TEX14: variants seen among roughly 807,000 people sequenced by gnomAD.
The protein encoded by TEX14 is testis expressed 14, intercellular bridge forming factor.
A neutral mutation model predicts 178.6 loss-of-function variants in TEX14; 168 were observed. That is an observed-to-expected ratio of 0.94 (90% CI 0.83 to 1.07). The LOEUF (loss-of-function observed/expected upper bound fraction) is 1.07, where lower values mean the gene tolerates loss of function less well. Ranked by LOEUF, TEX14 falls within the 50% of genes least tolerant of loss-of-function variation. The probability of loss-of-function intolerance (pLI) is 0.00; values close to 1 mark genes in which losing one functional copy is unlikely to be tolerated. For missense variants in TEX14, 1,730 were observed against 1,753.6 expected, an observed-to-expected ratio of 0.99 and a Z score of 0.24; for synonymous variants, 626 against 634.1, an observed-to-expected ratio of 0.99 and a Z score of 0.19.
At chr17:58,639,640 C>A (rs2046527295) in intron 2 of TEX14, among the ~76,000 whole-genome samples, 1 of 152,040 alleles carries the variant, frequency 6.6e-6, no homozygotes, top group Non-Finnish European at 1.5e-5. Context: ...GCGGATGTTG[C>A]CGTGAGCCCC....
intron 21 of TEX14, among the ~76,000 whole-genome samples, chr17:58,576,420 G>T (rs1000852163): frequency 7.9e-5 from 12 of 152,272 alleles, no homozygotes; most frequent in African/African-American, 2.9e-4. Flanking sequence ...GGAGGTGGAG[G>T]TTGCAGTGAG....
In TEX14 at chr17:58,586,055, G is replaced by C. The variant is rs754000507; in HGVS notation, c.2816C>G (p.Ala939Gly). ...AGGTACTGTGAGCTGTCCAGTAGCTGCTTTCTTTGCCATTTCTTTCACCTC... is the reference window on the plus strand; with the variant it reads ...AGGTACTGTGAGCTGTCCAGTAGCTCCTTTCTTTGCCATTTCTTTCACCTC... ...KMEVKEMAKK[A>G]ATGQLTVPPW... Residue 939 changes from alanine (A) to glycine (G), a missense_variant, in exon 18 of 32, where the codon GCA becomes GGA. Coordinates refer to ENST00000349033, the MANE Select transcript of TEX14 (RefSeq NM_031272.5). 32 of 1,612,756 alleles carry C rather than the reference G, an allele frequency of 2.0e-5. No individual in the cohort carries two copies. Among genetic ancestry groups the C allele is most frequent in the Non-Finnish European group, 2.5e-5 (30 of 1,178,926 alleles).
At chr17:58,631,927 A>AAT (rs767081517) in intron 2 of TEX14, 2 of 152,228 alleles carry the variant, frequency 1.3e-5, no homozygotes, top group African/African-American at 2.4e-5. Flanking sequence ...TCCTCTCGAA[A>AAT]ATATTACTAT....
chr17:58,658,985 C>T (rs563768888), intron 1 of TEX14, among the ~76,000 whole-genome samples: 1 of 151,708 alleles, frequency 6.6e-6, no homozygotes, highest in African/African-American at 2.4e-5. Flanking sequence ...TTCCTAGAAA[C>T]GGTATAAAAT....
At position 58,611,344 on chromosome 17, in the gene TEX14, A is replaced by G. The variant is rs1312618505; in HGVS notation, c.1006-5T>C. The G allele has an allele frequency of 6.2e-7, 1 of 1,609,892 alleles. No homozygotes were observed. Among genetic ancestry groups the G allele is most frequent in the African/African-American group, 1.3e-5 (1 of 74,744 alleles). On this transcript the variant is annotated splice_region_variant and splice_polypyrimidine_tract_variant and intron_variant, in intron 9 of 31. Transcript: ENST00000349033. ...CAGCACTGGGAACTGGGACCGCTGC[A>G]AGCAAGAGATGAAATGCCACGAAAA...
At chr17:58,633,366 C>G (rs938440318) in intron 2 of TEX14, among the ~76,000 whole-genome samples, 2 of 152,130 alleles carry the variant, frequency 1.3e-5, no homozygotes, top group Non-Finnish European at 2.9e-5. Context: ...CCACAATATC[C>G]CAAGCACCTA....
intron 2 of TEX14, among the ~76,000 whole-genome samples, chr17:58,645,765 T>TA (rs2046693420): frequency 6.6e-6 from 1 of 152,190 alleles, no homozygotes; most frequent in South Asian, 2.1e-4. Context: ...TGTTAGAAGT[T>TA]AAAGATATAG....
chr17:58,590,531 A>ATTT (rs778159520), intron 15 of TEX14, among the ~76,000 whole-genome samples: 3 of 119,304 alleles, frequency 2.5e-5, no homozygotes, highest in Non-Finnish European at 3.7e-5. Flanking sequence ...AAATCCAACT[A>ATTT]TTTTTGTTGT....
At chr17:58,645,032 C>G (rs2046670590) in intron 2 of TEX14, among the ~76,000 whole-genome samples, 1 of 149,696 alleles carries the variant, frequency 6.7e-6, no homozygotes, top group Non-Finnish European at 1.5e-5. Context: ...GTCACCCAGG[C>G]TGGAGTGCAG....
intron 15 of TEX14, among the ~76,000 whole-genome samples, chr17:58,591,506 G>A (rs560186769): frequency 1.8e-4 from 28 of 152,056 alleles, no homozygotes; most frequent in African/African-American, 4.6e-4. Context: ...GAACAAGGGC[G>A]AAACTCCATT....
intron 1 of TEX14, chr17:58,661,015 A>G: frequency 1.7e-6 from 2 of 1,166,988 alleles, no homozygotes; most frequent in Non-Finnish European, 2.6e-6. Context: ...GGTGAAGAAG[A>G]TAATATTCAC....
At position 58,587,782 on chromosome 17, in the gene TEX14, C is replaced by T. The variant is rs192508708; in HGVS notation, c.2702+114G>A. 3.4e-6 allele frequency: 4 copies of T among 1,171,064 alleles called. No individual in the cohort carries two copies. In the East Asian group the frequency reaches 9.4e-5, roughly 27 times the overall value. 72.5% of individuals were successfully genotyped at this position (1,171,064 alleles called of 1,614,324 possible). Reference sequence around the variant, plus strand: ...CCAGCCCATCCAGAGGACCTGTTCCCTACTCCCTAAGCCATTCCTAGAGTT... The same window carrying T: ...CCAGCCCATCCAGAGGACCTGTTCCTTACTCCCTAAGCCATTCCTAGAGTT... On this transcript the variant is annotated intron_variant, in intron 16 of 31. Coordinates refer to ENST00000349033, the MANE Select transcript of TEX14 (RefSeq NM_031272.5).
chr17:58,662,216 C>A (rs931009258), intron 1 of TEX14, among the ~76,000 whole-genome samples: 1 of 151,332 alleles, frequency 6.6e-6, no homozygotes, highest in African/African-American at 2.4e-5. Flanking sequence ...TTTGGGAGGC[C>A]GAGGTGGGCG....
intron 1 of TEX14, among the ~76,000 whole-genome samples, chr17:58,683,924 G>T (rs2047545938): frequency 6.6e-6 from 1 of 151,252 alleles, no homozygotes; most frequent in Non-Finnish European, 1.5e-5. Context: ...AATTAGCTGG[G>T]CGTGGTGGTG....
rs1374041341 is a variant in TEX14, at chr17:58,657,332, T to G, written c.-1-5330A>C. On this transcript the variant is annotated intron_variant, in intron 1 of 31. Transcript: ENST00000349033. ...TGCCTGTTCTTGTCTTGTCTGTGTG[T>G]CAGGGGGTGGAATCCTGAAGGAATC... Among the ~76,000 whole-genome samples the G allele has an allele frequency of 2.0e-5, 3 of 151,784 alleles. No homozygotes were observed. In the South Asian group the frequency reaches 6.2e-4, roughly 32 times the overall value.
At chr17:58,574,164 G>A (rs1567714141) in intron 22 of TEX14, 23 bp downstream of exon 22, 2 of 1,590,370 alleles carry the variant, frequency 1.3e-6, no homozygotes, top group Non-Finnish European at 8.6e-7. Context: ...AGCATCCCTA[G>A]GCATTCTCTT....
In TEX14 at chr17:58,574,931, G is replaced by C. The variant is rs548570787; in HGVS notation, c.3321-682C>G. ...GCACAGCCATGAGGCCTCAGCACCT[G>C]TAAGAAGCTTCCTGGCATAGTGTAC... On this transcript the variant is annotated intron_variant, in intron 21 of 31. Transcript: ENST00000349033. 1.5e-4 allele frequency among the ~76,000 whole-genome samples: 23 copies of C among 152,204 alleles called. No individual in the cohort carries two copies. In the South Asian group the frequency reaches 1.7e-3, roughly 11 times the overall value.
At chr17:58,600,716 T>C (rs1213690713) in intron 13 of TEX14, among the ~76,000 whole-genome samples, 1 of 152,012 alleles carries the variant, frequency 6.6e-6, no homozygotes, top group Non-Finnish European at 1.5e-5. Flanking sequence ...GTCAAAGTAA[T>C]GAGGTTACAG....
At chr17:58,686,861 C>CTTTT (rs71143271) in intron 1 of TEX14, among the ~76,000 whole-genome samples, 12 of 71,480 alleles carry the variant, frequency 1.7e-4, no homozygotes, top group Non-Finnish European at 3.0e-4. Flanking sequence ...GAAAGGTCAC[C>CTTTT]TTTTTTTTTT....
Sources: gnomAD v4.1 joint callset for allele counts (sites outside exome capture counted in the v4.1 genomes callset) on GRCh38, gnomAD v4.1.1 for gene constraint, MANE v1.5 for transcripts, NCBI Gene and HGNC (gene_info 2026-07-23, HGNC 2026-07-21) for gene names.